The following FRMPD4 variants were observed in gnomAD, a reference collection of about 807,000 sequenced individuals.
FRMPD4 encodes FERM and PDZ domain-containing protein 4.
A neutral mutation model predicts 94.1 loss-of-function variants in FRMPD4; 22 were observed. The ratio of observed to expected loss-of-function variants is 0.23; its 90% CI spans 0.17 to 0.33. The LOEUF (loss-of-function observed/expected upper bound fraction) is 0.33, where lower values mean the gene tolerates loss of function less well. Ranked by LOEUF, FRMPD4 falls within the 10% of genes least tolerant of loss-of-function variation. The probability of loss-of-function intolerance (pLI) is 1.00; values close to 1 mark genes in which losing one functional copy is unlikely to be tolerated. For missense variants in FRMPD4, 1,111 were observed against 1,339.9 expected (o/e 0.83, Z 2.67); for synonymous variants, 631 against 548.6 (o/e 1.15, Z -2.10).
chrX:12,140,710 A>G (rs1341082306), intron 1 of FRMPD4, among the ~76,000 whole-genome samples: 1 of 112,634 alleles, frequency 8.9e-6, no homozygotes, highest in African/African-American at 3.2e-5. Flanking sequence ...TTTGGAGAGG[A>G]CAGTGTCATG....
intron 4 of FRMPD4, among the ~76,000 whole-genome samples, chrX:12,659,730 A>C (rs936760371): frequency 2.7e-5 from 3 of 112,846 alleles, no homozygotes; most frequent in Non-Finnish European, 5.6e-5. Flanking sequence ...AGAAGTGTGC[A>C]AAATAATTTA....
At chrX:11,850,456 C>T (rs2053614395) in intron 1 of FRMPD4, among the ~76,000 whole-genome samples, 1 of 112,009 alleles carries the variant, frequency 8.9e-6, no homozygotes. Context: ...GGGGTTTATA[C>T]ACAAAAGCAT....
At chrX:12,556,731 A>G (rs1441006810) in intron 2 of FRMPD4, among the ~76,000 whole-genome samples, 1 of 112,237 alleles carries the variant, frequency 8.9e-6, no homozygotes, top group East Asian at 2.8e-4. Flanking sequence ...AGGGTCATAA[A>G]TGTTAGACCC....
intron 1 of FRMPD4, among the ~76,000 whole-genome samples, chrX:12,482,963 GAAT>G (rs1356266836): frequency 8.9e-6 from 1 of 111,919 alleles, no homozygotes; most frequent in Non-Finnish European, 1.9e-5. Flanking sequence ...AATTAAACCA[GAAT>G]AATAAGTTGT....
At chrX:12,457,327 G>A (rs1182107357) in intron 1 of FRMPD4, among the ~76,000 whole-genome samples, 1 of 111,562 alleles carries the variant, frequency 9.0e-6, no homozygotes, top group Non-Finnish European at 1.9e-5. Flanking sequence ...CATAATGATT[G>A]TCATTGCAGT....
intron 2 of FRMPD4, among the ~76,000 whole-genome samples, chrX:12,506,602 CATA>C (rs1355909293): frequency 1.3e-4 from 15 of 112,559 alleles, no homozygotes; most frequent in Non-Finnish European, 3.8e-5. Context: ...AATGACATTT[CATA>C]ATAAGACACA....
At chrX:12,078,736 G>A (rs2055039494) in intron 3 of FRMPD4, among the ~76,000 whole-genome samples, 1 of 111,570 alleles carries the variant, frequency 9.0e-6, no homozygotes, top group Admixed American at 9.5e-5. Flanking sequence ...AATTCTTTGT[G>A]GTGGAGCACT....
At chrX:11,908,794 T>C (rs772491676) in intron 3 of FRMPD4, among the ~76,000 whole-genome samples, 1 of 112,090 alleles carries the variant, frequency 8.9e-6, no homozygotes, top group South Asian at 3.7e-4. Flanking sequence ...TGATTATTGT[T>C]AGTTTTTCCA....
intron 1 of FRMPD4, among the ~76,000 whole-genome samples, chrX:12,250,781 T>C (rs755600753): frequency 9.0e-6 from 1 of 111,439 alleles, no homozygotes; most frequent in Admixed American, 9.5e-5. Context: ...CTGTCTCTAG[T>C]TGATGCTTCA....
chrX:12,163,204 C>G (rs1009790880), intron 1 of FRMPD4, among the ~76,000 whole-genome samples: 4 of 110,648 alleles, frequency 3.6e-5, no homozygotes, highest in Non-Finnish European at 7.6e-5. Flanking sequence ...TAGCCTGCAA[C>G]AGAGATATCC....
chrX:11,896,670 A>G (rs761536660), intron 3 of FRMPD4, among the ~76,000 whole-genome samples: 2 of 112,147 alleles, frequency 1.8e-5, no homozygotes, highest in Non-Finnish European at 3.8e-5. Flanking sequence ...AGAAGCCTGA[A>G]TGGACTAAGA....
chrX:12,686,686 A>G (rs1451985499), intron 7 of FRMPD4, among the ~76,000 whole-genome samples: 2 of 112,161 alleles, frequency 1.8e-5, no homozygotes, highest in African/African-American at 3.2e-5. Flanking sequence ...AACCAATTTC[A>G]TGGTAATGAT....
intron 3 of FRMPD4, among the ~76,000 whole-genome samples, chrX:11,947,576 C>T (rs1276479216): frequency 8.9e-6 from 1 of 111,978 alleles, no homozygotes; most frequent in Non-Finnish European, 1.9e-5. Context: ...CAAAAGTTAT[C>T]TATTCCAGCT....
chrX:12,206,901 T>C (rs1286989032), intron 1 of FRMPD4, among the ~76,000 whole-genome samples: 1 of 112,559 alleles, frequency 8.9e-6, no homozygotes. Context: ...GATAAAAATA[T>C]TGTTATAAAT....
At chrX:11,933,086 A>G (rs1182349459) in intron 3 of FRMPD4, among the ~76,000 whole-genome samples, 1 of 111,843 alleles carries the variant, frequency 8.9e-6, no homozygotes, top group African/African-American at 3.3e-5. Flanking sequence ...CGTAATGCAC[A>G]AGAGATGAGA....
chrX:12,560,540 A>T (rs1359631098), intron 2 of FRMPD4, among the ~76,000 whole-genome samples: 3 of 109,373 alleles, frequency 2.7e-5, no homozygotes, highest in Non-Finnish European at 5.7e-5. Flanking sequence ...AAAGCCTGCT[A>T]GCCAAACAAG....
At chrX:11,921,987 C>G (rs1016941602) in intron 3 of FRMPD4, among the ~76,000 whole-genome samples, 2 of 111,537 alleles carry the variant, frequency 1.8e-5, no homozygotes, top group Non-Finnish European at 3.8e-5. Context: ...CAAGACAAAG[C>G]CAATGATTTA....
At chrX:12,483,268 C>T (rs759588022) in intron 1 of FRMPD4, among the ~76,000 whole-genome samples, 2 of 111,616 alleles carry the variant, frequency 1.8e-5, no homozygotes, top group Non-Finnish European at 3.8e-5. Context: ...TTCAGAGATC[C>T]CACTGTGAAT....
At chrX:12,300,552 T>C (rs926305937) in intron 1 of FRMPD4, among the ~76,000 whole-genome samples, 1 of 112,540 alleles carries the variant, frequency 8.9e-6, no homozygotes, top group Non-Finnish European at 1.9e-5. Flanking sequence ...GTTAGATTTC[T>C]TTCAGGATTT....
Sources: allele counts gnomAD v4.1 joint callset (sites outside exome capture counted in the v4.1 genomes callset), GRCh38; gene constraint gnomAD v4.1.1; transcripts MANE v1.5; gene names NCBI Gene and HGNC (gene_info 2026-07-23, HGNC 2026-07-21).